The following WDR74 variants were observed in gnomAD, a reference collection of about 807,000 sequenced individuals.
The protein encoded by WDR74 is WD repeat domain 74.
In WDR74, 31 loss-of-function variants were observed where a neutral mutation model predicts 45.6. The observed-to-expected ratio is 0.68, with a 90% CI of 0.51 to 0.92. The LOEUF is 0.92. Among genes scored for constraint, WDR74 ranks in the 40% least tolerant of loss-of-function variants. WDR74 has a pLI of 0.00. For synonymous variants in WDR74, 191 were observed against 192.4 expected (o/e 0.99, Z 0.06); for missense variants, 455 against 497.2 (o/e 0.92, Z 0.81).
At chr11:62,838,559 G>C (rs1028567133) in intron 3 of WDR74, among the ~76,000 whole-genome samples, 9 of 151,696 alleles carry the variant, frequency 5.9e-5, no homozygotes, top group Admixed American at 3.3e-4. Context: ...AGGAGTTCGA[G>C]ACCAGCCTAG....
intron 7 of WDR74, 32 bp downstream of exon 7, chr11:62,834,395 A>G (rs772232112): frequency 8.7e-6 from 4 of 457,552 alleles, no homozygotes; most frequent in African/African-American, 7.1e-5. Context: ...CTCAAGCCCC[A>G]CCCTCCCACC....
rs1250526263 is a variant in WDR74, at chr11:62,839,579, C to G, written c.-9G>C. Reference sequence around the variant, plus strand: ...GCAGCAGCAGCCGCCATGACAAAGCCTGGAGGCAGACAGTTCACACTTCCG... The same window carrying G: ...GCAGCAGCAGCCGCCATGACAAAGCGTGGAGGCAGACAGTTCACACTTCCG... On this transcript the variant is annotated 5_prime_UTR_variant, in exon 1 of 11. Transcript: ENST00000278856. 6.2e-7 allele frequency: 1 copy of G among 1,605,622 alleles called. No homozygotes were observed. The highest frequency in any genetic ancestry group is 1.1e-5 in the South Asian group (1 of 90,600).
At chr11:62,841,442 C>T (rs573868990), upstream of WDR74, 3 of 152,350 alleles carry the variant, frequency 2.0e-5, no homozygotes, top group Admixed American at 1.3e-4. Context: ...AGATACTACG[C>T]TCCGTGCTCA....
chr11:62,834,390 G>GGGGGGGCCC, intron 7 of WDR74, 37 bp downstream of exon 7: 9 of 1,584,076 alleles, frequency 5.7e-6, no homozygotes, highest in Non-Finnish European at 7.8e-6. Context: ...CCCTTCTCAA[G>GGGGGGGCCC]CCCCACCCTC....
rs781761716 is a variant in WDR74 at position 62,839,441 on chromosome 11, G to A, written c.65-13C>T. The A allele has an allele frequency of 1.2e-6, 2 of 1,613,518 alleles. No homozygotes were observed. Among genetic ancestry groups the A allele is most frequent in the East Asian group, 4.5e-5 (2 of 44,882 alleles). ...TGAAGATTTACCCCTGAGAGACGAA[G>A]GCGTCAGTCACGCCAGGGGCGCGAG... On this transcript the variant is annotated splice_polypyrimidine_tract_variant and intron_variant, in intron 1 of 10. Transcript: ENST00000278856.
chr11:62,836,797 G>A (rs74916295), intron 3 of WDR74: 3,789 of 152,608 alleles, frequency 0.025, 77 homozygotes, highest in Non-Finnish European at 0.041. Context: ...ACTTGGCCAG[G>A]CACAGTGGCT....
chr11:62,834,372 T>A, intron 7 of WDR74, 41 bp from the exon 8 acceptor site: 2 of 1,612,962 alleles, frequency 1.2e-6, no homozygotes, highest in Non-Finnish European at 1.7e-6. Context: ...AGCAGTAACC[T>A]CCTGGAGCCC....
chr11:62,837,706 C>T (rs940118255), intron 3 of WDR74, among the ~76,000 whole-genome samples: 1 of 152,052 alleles, frequency 6.6e-6, no homozygotes, highest in Admixed American at 6.6e-5. Context: ...ACATCCAGTC[C>T]CCCCCACAGG....
chr11:62,833,296 TAA>T (rs1048706100), intron 10 of WDR74, among the ~76,000 whole-genome samples, 165 bp from the exon 11 acceptor site: 784 of 50,846 alleles, frequency 0.015, 8 homozygotes, highest in African/African-American at 0.052. Flanking sequence ...AAAAGAAGTT[TAA>T]AAAAAAAAAA....
At position 62,833,656 on chromosome 11, in the gene WDR74, A is replaced by G; in HGVS notation, c.940T>C (p.Leu314=). 7.1e-6 allele frequency: 11 copies of G among 1,554,182 alleles called. No individual in the cohort carries two copies. Among genetic ancestry groups the G allele is most frequent in the Non-Finnish European group, 9.6e-6 (11 of 1,148,364 alleles). ...LEHKVYLKSQ[L]NCLLLSGRDN... is the part of the protein sequence containing the mutation. ...CTGCCTGACAAGAGGAGGCAGTTCA[A>G]TTGAGACTTGAGATAAACCTGCAAA... Residue 314 remains leucine (L), a synonymous_variant, in exon 10 of 11, where the codon TTG becomes CTG. Coordinates refer to ENST00000278856, the MANE Select transcript of WDR74 (RefSeq NM_001369450.1).
At chr11:62,839,460 G>A in intron 1 of WDR74, 32 bp from the exon 2 acceptor site, 5 of 1,613,516 alleles carry the variant, frequency 3.1e-6, no homozygotes, top group Non-Finnish European at 4.2e-6. Context: ...CACGCCAGGG[G>A]CGCGAGTGCA....
Position 62,835,550 on chromosome 11 carries a change from TGGA to T in WDR74, c.517-21_517-19del, listed in dbSNP as rs2084946338. ...TTCCGCACCTGGTGGGGTGGGCAGA[TGGA>T]GGACAGGGCTATGGGGGGCTCGATG... On this transcript the variant is annotated intron_variant, in intron 5 of 10. Coordinates refer to ENST00000278856, the MANE Select transcript of WDR74 (RefSeq NM_001369450.1). 1 of 1,613,844 alleles carries T rather than the reference TGGA, an allele frequency of 6.2e-7. No individual in the cohort carries two copies. Among genetic ancestry groups the T allele is most frequent in the East Asian group, 2.2e-5 (1 of 44,880 alleles).
chr11:62,839,114 C>A lies in WDR74; in HGVS notation c.293G>T (p.Gly98Val). ...GMFRGLAQADGTLITCVDSGI... is the reference protein window; with the variant it reads ...GMFRGLAQADVTLITCVDSGI... ...AGTTTAGCGAGGGGATTGGTCTTAC[C>A]CGTCGGCCTGGGCGAGGCCACGGAA... The change falls in exon 3 of 11, where the codon GGC (glycine) becomes GTC (valine). Residue 98 changes from glycine (G) to valine (V), a missense_variant and splice_region_variant. Gly to Val is a moderately radical substitution (Grantham distance 109). Coordinates refer to ENST00000278856, the MANE Select transcript of WDR74 (RefSeq NM_001369450.1). 1 of 1,613,190 alleles carries A rather than the reference C, an allele frequency of 6.2e-7. No individual in the cohort carries two copies. Among genetic ancestry groups the A allele is most frequent in the Non-Finnish European group, 8.5e-7 (1 of 1,179,878 alleles).
At chr11:62,840,005 A>AT (rs892430677), upstream of WDR74, 83 of 155,488 alleles carry the variant, frequency 5.3e-4, no homozygotes, top group Middle Eastern at 3.2e-3. Flanking sequence ...GAAACCGACG[A>AT]TTTTTTTTTT....
At chr11:62,834,731 GGA>G (rs2084933537) in intron 6 of WDR74, 2 of 562,838 alleles carry the variant, frequency 3.6e-6, no homozygotes, top group Non-Finnish European at 6.3e-6. Flanking sequence ...AGAGCTGAGG[GGA>G]GAGGTCCCCT....
chr11:62,841,693 A>G (rs952656145), upstream of WDR74: 4 of 152,170 alleles, frequency 2.6e-5, no homozygotes, highest in Admixed American at 6.5e-5. Context: ...CTCCTATTCC[A>G]TCTCCTATTT....
At position 62,839,163 on chromosome 11, in the gene WDR74, G is replaced by A. The variant is rs1565223362; in HGVS notation, c.244C>T (p.His82Tyr). 1 of 1,613,738 alleles carries A rather than the reference G, an allele frequency of 6.2e-7. No homozygotes were observed. The highest frequency in any genetic ancestry group is 8.5e-7 in the Non-Finnish European group (1 of 1,179,904). The change falls in exon 3 of 11, where the codon CAC becomes TAC. Residue 82 changes from histidine to tyrosine, a missense_variant. His to Tyr is a moderately conservative substitution (Grantham distance 83, BLOSUM62 2). Coordinates refer to ENST00000278856, the MANE Select transcript of WDR74 (RefSeq NM_001369450.1). The stretch of plus-strand genomic sequence containing the variant: ...AACATGCCCTCCCCGCCCGGGCAGT[G>A]TCTCTGACCCTGGAATATGCCATCC... Reference protein sequence around the residue: ...TEDGIFQGQRHCPGGEGMFRG... With the variant: ...TEDGIFQGQRYCPGGEGMFRG...
Position 62,835,502 on chromosome 11 carries a change from G to A in WDR74, c.547C>T (p.Pro183Ser), listed in dbSNP as rs2084945166. ...VRNDWLDLRV[P>S]IWDQDIQFLP... ...AACTGTATGTCCTGGTCCCAGATGG[G>A]AACCCGCAAGTCCAGCCAGTCATTC... The change falls in exon 6 of 11, where the codon CCC becomes TCC. Residue 183 changes from proline to serine, a missense_variant. Pro to Ser is a moderately conservative substitution (Grantham distance 74, BLOSUM62 -1). Transcript: ENST00000278856. 2.5e-6 allele frequency: 4 copies of A among 1,613,978 alleles called. No homozygotes were observed. Among genetic ancestry groups the A allele is most frequent in the Non-Finnish European group, 3.4e-6 (4 of 1,179,880 alleles).
chr11:62,839,660 C>T, upstream of WDR74: 1 of 1,479,902 alleles, frequency 6.8e-7, no homozygotes, highest in South Asian at 1.3e-5. Flanking sequence ...AGTGTAGTTG[C>T]TGGAAGTTTG....
Sources: gnomAD v4.1 joint callset for allele counts (sites outside exome capture counted in the v4.1 genomes callset) on GRCh38, gnomAD v4.1.1 for gene constraint, MANE v1.5 for transcripts, NCBI Gene and HGNC (gene_info 2026-07-23, HGNC 2026-07-21) for gene names.